The following RBMS3 variants were observed in gnomAD, a reference collection of about 807,000 sequenced individuals.
RBMS3 encodes RNA binding motif single stranded interacting protein 3, also known as RNA-binding motif, single-stranded-interacting protein 3.
In RBMS3, 27 loss-of-function variants were observed where a neutral mutation model predicts 66.8. The observed-to-expected ratio is 0.40, with a 90% CI of 0.30 to 0.56. RBMS3 has a LOEUF of 0.56. RBMS3 is among the 20% of genes least tolerant of loss of function. The pLI, the probability that RBMS3 is intolerant of heterozygous loss-of-function variation, is 0.40. For synonymous variants in RBMS3, 188 were observed against 183.0 expected (o/e 1.03, Z -0.22); for missense variants, 513 against 549.5 (o/e 0.93, Z 0.66).
intron 6 of RBMS3, among the ~76,000 whole-genome samples, chr3:29,820,242 A>T (rs2058042457): frequency 1.5e-5 from 2 of 135,760 alleles, no homozygotes; most frequent in Non-Finnish European, 3.1e-5. Context: ...AAAAAAAAAA[A>T]TTAGGTGGCA....
At chr3:29,724,034 A>T (rs905975463) in intron 4 of RBMS3, among the ~76,000 whole-genome samples, 1 of 151,550 alleles carries the variant, frequency 6.6e-6, no homozygotes, top group Non-Finnish European at 1.5e-5. Flanking sequence ...CACAGTTTTG[A>T]TTAATGAGCC....
chr3:29,926,698 C>G (rs1185100945), intron 10 of RBMS3: 1 of 152,154 alleles, frequency 6.6e-6, no homozygotes, highest in East Asian at 1.9e-4. Flanking sequence ...TTTTACCAGA[C>G]AAAAGATGAG....
intron 4 of RBMS3, among the ~76,000 whole-genome samples, chr3:29,718,487 A>T (rs1460896092): frequency 6.6e-6 from 1 of 152,130 alleles, no homozygotes; most frequent in Non-Finnish European, 1.5e-5. Context: ...TTTGAGCTCC[A>T]GCAGAACTGG....
intron 3 of RBMS3, among the ~76,000 whole-genome samples, chr3:29,517,516 G>T (rs1281220045): frequency 6.6e-6 from 1 of 151,940 alleles, no homozygotes; most frequent in Non-Finnish European, 1.5e-5. Context: ...GTAGAGACGG[G>T]ATTTCACCTT....
chr3:29,991,230 G>T lies in RBMS3; in HGVS notation c.1307+21G>T, dbSNP rs771493319. On this transcript the variant is annotated intron_variant, in intron 14 of 14. Transcript: ENST00000383767. The stretch of plus-strand genomic sequence containing the variant: ...TCTAAGTAAGTCTGGGCTGTGCTAA[G>T]CTCTTTTCCTCAAGATCAGCCATCT... The T allele has an allele frequency of 7.4e-6, 12 of 1,613,856 alleles. No homozygotes were observed. The East Asian group carries it at 1.3e-4, about 18-fold the overall frequency.
At chr3:29,356,835 G>A (rs1360159848) in intron 1 of RBMS3, among the ~76,000 whole-genome samples, 1 of 152,072 alleles carries the variant, frequency 6.6e-6, no homozygotes. Flanking sequence ...GTTAATGATA[G>A]CATTTATTGC....
chr3:29,598,918 A>C (rs2048053986), intron 4 of RBMS3, among the ~76,000 whole-genome samples: 1 of 152,102 alleles, frequency 6.6e-6, no homozygotes, highest in South Asian at 2.1e-4. Flanking sequence ...AAGAAACATT[A>C]AGCTAAGGAG....
At chr3:29,674,828 C>T (rs966529628) in intron 4 of RBMS3, among the ~76,000 whole-genome samples, 3 of 151,594 alleles carry the variant, frequency 2.0e-5, no homozygotes, top group Non-Finnish European at 4.4e-5. Context: ...CCCATACTGC[C>T]CAAGGTAATT....
intron 2 of RBMS3, among the ~76,000 whole-genome samples, chr3:29,481,008 T>C (rs1001502395): frequency 9.8e-5 from 15 of 152,290 alleles, no homozygotes; most frequent in African/African-American, 3.6e-4. Flanking sequence ...CTGTAGCTGG[T>C]CTGTCTGAGA....
rs867283010 is a variant in RBMS3, at chr3:29,889,674, T to G, written c.791+5466T>G. Among the ~76,000 whole-genome samples, 14 of 151,840 alleles carry G rather than the reference T, an allele frequency of 9.2e-5. No individual in the cohort carries two copies. The South Asian group carries it at 1.2e-3, about 13-fold the overall frequency. ...CCATGATAAGTTTGACAATTAGTCT[T>G]TTTTATTGTGTACTTCTTGATACCC... On this transcript the variant is annotated intron_variant, in intron 8 of 14. Coordinates refer to ENST00000383767, the MANE Select transcript of RBMS3 (RefSeq NM_001003793.3).
intron 4 of RBMS3, among the ~76,000 whole-genome samples, chr3:29,733,933 T>C (rs1373717702): frequency 6.6e-6 from 1 of 152,108 alleles, no homozygotes; most frequent in Non-Finnish European, 1.5e-5. Flanking sequence ...TTTTTGTATA[T>C]GGTGAATTAT....
At chr3:29,457,417 G>A (rs1273198247) in intron 2 of RBMS3, among the ~76,000 whole-genome samples, 1 of 152,060 alleles carries the variant, frequency 6.6e-6, no homozygotes, top group Non-Finnish European at 1.5e-5. Context: ...GGTAAGCCCA[G>A]AACCCTTTAA....
chr3:29,360,200 C>T (rs2037488067), intron 1 of RBMS3, among the ~76,000 whole-genome samples: 1 of 151,952 alleles, frequency 6.6e-6, no homozygotes, highest in African/African-American at 2.4e-5. Context: ...ATAAATTTCC[C>T]TCTACACACT....
chr3:29,630,476 T>C (rs1178525140), intron 4 of RBMS3, among the ~76,000 whole-genome samples: 2 of 151,980 alleles, frequency 1.3e-5, no homozygotes, highest in African/African-American at 4.8e-5. Context: ...GTGCCTGCTA[T>C]ACATAGGAAA....
chr3:29,758,488 G>A (rs569473702), intron 5 of RBMS3, among the ~76,000 whole-genome samples: 1 of 152,230 alleles, frequency 6.6e-6, no homozygotes, highest in East Asian at 1.9e-4. Context: ...GTCATCCACA[G>A]TTTCATTTCC....
intron 3 of RBMS3, among the ~76,000 whole-genome samples, chr3:29,584,254 T>C (rs2047432395): frequency 6.6e-6 from 1 of 152,070 alleles, no homozygotes; most frequent in Non-Finnish European, 1.5e-5. Flanking sequence ...TTGAGACATC[T>C]GATTCCCTTT....
At position 29,321,808 on chromosome 3, in the gene RBMS3, G is replaced by A. The variant is rs180744747; in HGVS notation, c.75+40052G>A. Among the ~76,000 whole-genome samples, 10 of 152,172 alleles carry A rather than the reference G, an allele frequency of 6.6e-5. No individual in the cohort carries two copies. In the East Asian group the frequency reaches 9.7e-4, roughly 15 times the overall value. ...TGGCTGGAGATATTCAGCTGAGGGC[G>A]GTAACTACTGAAGTCCTGAGTTATG... On this transcript the variant is annotated intron_variant, in intron 1 of 14. Coordinates refer to ENST00000383767, the MANE Select transcript of RBMS3 (RefSeq NM_001003793.3).
chr3:29,676,910 T>C (rs1402003456), intron 4 of RBMS3, among the ~76,000 whole-genome samples: 2 of 152,124 alleles, frequency 1.3e-5, no homozygotes, highest in African/African-American at 4.8e-5. Flanking sequence ...TACTTGACAC[T>C]GGGTAATTTA....
chr3:29,400,012 G>T (rs2039736436), intron 1 of RBMS3, among the ~76,000 whole-genome samples: 1 of 152,070 alleles, frequency 6.6e-6, no homozygotes, highest in East Asian at 1.9e-4. Context: ...TGGAGCAAAA[G>T]TATGGTAAAG....
Sources: allele counts gnomAD v4.1 joint callset (sites outside exome capture counted in the v4.1 genomes callset), GRCh38; gene constraint gnomAD v4.1.1; transcripts MANE v1.5; gene names NCBI Gene and HGNC (gene_info 2026-07-23, HGNC 2026-07-21).